MAF: variants seen among roughly 807,000 people sequenced by gnomAD.
The protein encoded by MAF is transcription factor Maf.
A neutral mutation model predicts 22.0 loss-of-function variants in MAF; 10 were observed. That is an observed-to-expected ratio of 0.45 (90% CI 0.28 to 0.77). The LOEUF is 0.77. MAF is among the 30% of genes least tolerant of loss of function. The probability of loss-of-function intolerance (pLI) is 0.12; values close to 1 mark genes in which losing one functional copy is unlikely to be tolerated. For missense variants in MAF, 544 were observed against 548.4 expected (o/e 0.99, Z 0.08); for synonymous variants, 337 against 255.8 (o/e 1.32, Z -3.03).
the MAF span, among the ~76,000 whole-genome samples, chr16:79,559,936 C>T: frequency 6.6e-6 from 1 of 152,158 alleles, no homozygotes; most frequent in Admixed American, 6.5e-5. Flanking sequence ...CAGGGTCTGG[C>T]TCTGTCATCT....
At chr16:79,313,508 A>C in the MAF span, among the ~76,000 whole-genome samples, 12 of 152,328 alleles carry the variant, frequency 7.9e-5, 1 homozygote, top group Middle Eastern at 0.017. Context: ...CCCATCACCC[A>C]AAGAGAACAA....
chr16:79,517,822 G>A, the MAF span, among the ~76,000 whole-genome samples: 1 of 152,010 alleles, frequency 6.6e-6, no homozygotes, highest in African/African-American at 2.4e-5. Flanking sequence ...TGTTCCACCC[G>A]CCTCGGCCTC....
At chr16:79,373,276 G>A in the MAF span, among the ~76,000 whole-genome samples, 6 of 143,104 alleles carry the variant, frequency 4.2e-5, 1 homozygote, top group African/African-American at 1.5e-4. Context: ...TTTAAGTGGT[G>A]ATTGGTTCAA....
chr16:79,413,541 C>T, the MAF span, among the ~76,000 whole-genome samples: 1 of 151,938 alleles, frequency 6.6e-6, no homozygotes, highest in African/African-American at 2.4e-5. Flanking sequence ...CCGAGCTGTG[C>T]AGTTTTGATC....
At chr16:79,203,846 A>G in the MAF span, 39 of 150,788 alleles carry the variant, frequency 2.6e-4, no homozygotes, top group Non-Finnish European at 1.5e-5. Context: ...ACAGATGCAT[A>G]CATTTATACG....
At chr16:79,235,390 A>T in the MAF span, among the ~76,000 whole-genome samples, 2 of 151,916 alleles carry the variant, frequency 1.3e-5, no homozygotes, top group South Asian at 2.1e-4. Flanking sequence ...CCATCCCTAG[A>T]AAAAATAAAA....
the MAF span, among the ~76,000 whole-genome samples, chr16:79,500,415 C>G: frequency 1.3e-5 from 2 of 152,150 alleles, no homozygotes; most frequent in Non-Finnish European, 2.9e-5. Context: ...TTATAGTAAC[C>G]TAGACAAAAG....
the MAF span, among the ~76,000 whole-genome samples, chr16:79,529,293 C>A: frequency 3.9e-5 from 6 of 152,080 alleles, no homozygotes; most frequent in African/African-American, 1.4e-4. Context: ...TCCAGTTTGA[C>A]CCCAGTCTCT....
At chr16:79,598,669 G>A (rs933969298) in intron 1 of MAF, 116 bp downstream of exon 1, 12 of 1,546,656 alleles carry the variant, frequency 7.8e-6, no homozygotes, top group Non-Finnish European at 6.9e-6. Context: ...CTCGGTGGGG[G>A]TGGGGGTGGT....
At chr16:79,254,392 G>GAATAAAGAGAAAA in the MAF span, among the ~76,000 whole-genome samples, 4 of 151,914 alleles carry the variant, frequency 2.6e-5, no homozygotes, top group African/African-American at 9.7e-5. Context: ...TCCATCCAAG[G>GAATAAAGAGAAAA]ATCCTCTTAC....
At chr16:79,418,853 G>A in the MAF span, among the ~76,000 whole-genome samples, 1 of 152,134 alleles carries the variant, frequency 6.6e-6, no homozygotes, top group African/African-American at 2.4e-5. Flanking sequence ...TGGAGCTGCA[G>A]GCCCCAACAC....
chr16:79,275,437 C>T, the MAF span, among the ~76,000 whole-genome samples: 2 of 152,148 alleles, frequency 1.3e-5, no homozygotes, highest in African/African-American at 2.4e-5. Flanking sequence ...ATTGAATACT[C>T]ACAACTCTTA....
At chr16:79,441,258 T>A in the MAF span, among the ~76,000 whole-genome samples, 1 of 152,258 alleles carries the variant, frequency 6.6e-6, no homozygotes, top group African/African-American at 2.4e-5. Context: ...TTCTAAATGT[T>A]ACGACACATT....
the MAF span, among the ~76,000 whole-genome samples, chr16:79,484,285 T>A: frequency 6.6e-6 from 1 of 152,262 alleles, no homozygotes; most frequent in African/African-American, 2.4e-5. Context: ...GAGGCTGGCG[T>A]GACAAGGCTG....
the MAF span, among the ~76,000 whole-genome samples, chr16:79,288,263 A>C: frequency 6.6e-6 from 1 of 152,172 alleles, no homozygotes; most frequent in Non-Finnish European, 1.5e-5. Context: ...ACCTGCTTTG[A>C]CTAATAGTGT....
chr16:79,542,571 TC>T, the MAF span, among the ~76,000 whole-genome samples: 1 of 152,138 alleles, frequency 6.6e-6, no homozygotes, highest in Non-Finnish European at 1.5e-5. Context: ...GAACTGCTCT[TC>T]CTTCCCCTCC....
the MAF span, among the ~76,000 whole-genome samples, chr16:79,548,075 T>C: frequency 5.3e-5 from 8 of 152,152 alleles, no homozygotes; most frequent in Admixed American, 5.2e-4. Context: ...TTTGATATAG[T>C]GGTTGTTTTC....
At chr16:79,420,535 C>T in the MAF span, among the ~76,000 whole-genome samples, 1 of 152,140 alleles carries the variant, frequency 6.6e-6, no homozygotes, top group African/African-American at 2.4e-5. Flanking sequence ...CAAATCACTG[C>T]TGCCCCCCTC....
At chr16:79,354,727 A>T in the MAF span, among the ~76,000 whole-genome samples, 1 of 152,172 alleles carries the variant, frequency 6.6e-6, no homozygotes. Flanking sequence ...CTTAGGTGTA[A>T]TTTAATTAGA....
Sources: allele counts gnomAD v4.1 joint callset (sites outside exome capture counted in the v4.1 genomes callset), GRCh38; gene constraint gnomAD v4.1.1; transcripts MANE v1.5; gene names NCBI Gene and HGNC (gene_info 2026-07-23, HGNC 2026-07-21).